Variants in HMGCS1 observed in about 807,000 individuals in gnomAD.
HMGCS1 encodes hydroxymethylglutaryl-CoA synthase, cytoplasmic.
In HMGCS1, 9 loss-of-function variants were observed where a neutral mutation model predicts 52.3. The observed-to-expected ratio is 0.17, with a 90% CI of 0.10 to 0.30. HMGCS1 has a LOEUF of 0.30. Among genes scored for constraint, HMGCS1 ranks in the 10% least tolerant of loss-of-function variants. HMGCS1 has a pLI of 1.00. For synonymous variants in HMGCS1, 176 were observed against 214.4 expected (o/e 0.82, Z 1.57); for missense variants, 320 against 620.9 (o/e 0.52, Z 5.15).
chr5:43,311,210 C>G (rs1282742425), intron 1 of HMGCS1, among the ~76,000 whole-genome samples: 1 of 151,878 alleles, frequency 6.6e-6, no homozygotes, highest in Non-Finnish European at 1.5e-5. Context: ...GCCGGTAGTC[C>G]CAGCTACTTG....
Position 43,298,363 on chromosome 5 carries a change from G to T in HMGCS1, c.448+155C>A. 1 of 674,616 alleles carries T rather than the reference G, an allele frequency of 1.5e-6. No individual in the cohort carries two copies. The highest frequency in any genetic ancestry group is 2.5e-6 in the Non-Finnish European group (1 of 405,214). 41.8% of individuals were successfully genotyped at this position (674,616 alleles called of 1,614,324 possible). The stretch of plus-strand genomic sequence containing the variant: ...AGATAAGATAACCAATTCACAATTC[G>T]GATAATGACAGACAGGTAAAATATC... On this transcript the variant is annotated intron_variant, in intron 3 of 10. Coordinates refer to ENST00000325110, the MANE Select transcript of HMGCS1 (RefSeq NM_001098272.3). The surrounding 1 kb of genome is among the most constrained non-coding windows in gnomAD (Gnocchi z 5.6).
chr5:43,308,499 C>T (rs1322415757), intron 1 of HMGCS1, among the ~76,000 whole-genome samples: 2 of 152,198 alleles, frequency 1.3e-5, no homozygotes, highest in Non-Finnish European at 2.9e-5. Flanking sequence ...GCCACCTTCA[C>T]CCTCCCAACC....
chr5:43,306,232 G>T (rs1363386632), intron 2 of HMGCS1, among the ~76,000 whole-genome samples: 1 of 152,160 alleles, frequency 6.6e-6, no homozygotes, highest in Non-Finnish European at 1.5e-5. Flanking sequence ...AATGCTTCCT[G>T]CCTAGAATAC....
At chr5:43,300,429 T>C (rs903199132) in intron 2 of HMGCS1, among the ~76,000 whole-genome samples, 2 of 152,206 alleles carry the variant, frequency 1.3e-5, no homozygotes, top group Non-Finnish European at 2.9e-5. Context: ...CCATCACTAA[T>C]TTGATACTTA....
At chr5:43,313,209 C>T (rs1360785510) in intron 1 of HMGCS1, 147 bp downstream of exon 1, 1 of 152,500 alleles carries the variant, frequency 6.6e-6, no homozygotes, top group Non-Finnish European at 1.5e-5. Flanking sequence ...CACGGTGCCC[C>T]ATCCTCCCGG....
Position 43,288,869 on chromosome 5 carries a change from A to G in HMGCS1, c.*2262T>C, listed in dbSNP as rs1753610368. 1 of 152,122 alleles carries G rather than the reference A, an allele frequency of 6.6e-6. No individual in the cohort carries two copies. The highest frequency in any genetic ancestry group is 2.4e-5 in the African/African-American group (1 of 41,434). The allele number at this position is 152,122 out of a possible 1,614,324, so 9.4% of individuals were successfully genotyped here. On this transcript the variant is annotated 3_prime_UTR_variant, in exon 11 of 11. Coordinates refer to ENST00000325110, the MANE Select transcript of HMGCS1 (RefSeq NM_001098272.3). Reference sequence around the variant, plus strand: ...CTAAGACTTGATGGTGCTCTTAGGGATCATCTAATCCAAAATTACTGCCAA... The same window carrying G: ...CTAAGACTTGATGGTGCTCTTAGGGGTCATCTAATCCAAAATTACTGCCAA...
intron 2 of HMGCS1, among the ~76,000 whole-genome samples, chr5:43,300,642 A>T (rs4866813): frequency 0.45 from 68,347 of 151,408 alleles, 16,152 homozygotes; most frequent in Middle Eastern, 0.61. Flanking sequence ...AAATTTTTTT[A>T]AAATGAGCTG....
intron 2 of HMGCS1, among the ~76,000 whole-genome samples, chr5:43,304,240 TCCAGCCTTTCCCACAAGGCTAC>T (rs1754455575): frequency 6.6e-6 from 1 of 152,234 alleles, no homozygotes; most frequent in Non-Finnish European, 1.5e-5. Context: ...TAACCACCTT[TCCAGCCTTTCCCACAAGGCTAC>T]CCTTTAGATT....
chr5:43,297,212 ATGTC>A (rs770140084), intron 4 of HMGCS1, 46 bp from the exon 5 acceptor site: 2 of 1,472,400 alleles, frequency 1.4e-6, no homozygotes, highest in Non-Finnish European at 1.9e-6. Context: ...CTGCTTCTTG[ATGTC>A]TGTATGTTAA....
intron 2 of HMGCS1, among the ~76,000 whole-genome samples, chr5:43,300,977 G>C (rs755944274): frequency 6.6e-6 from 1 of 151,812 alleles, no homozygotes; most frequent in Non-Finnish European, 1.5e-5. Flanking sequence ...CTATTTTATG[G>C]GACAATAAGA....
intron 1 of HMGCS1, among the ~76,000 whole-genome samples, chr5:43,310,392 T>C (rs559879113): frequency 1.3e-5 from 2 of 152,342 alleles, no homozygotes; most frequent in East Asian, 3.9e-4. Flanking sequence ...CATAGCCTAC[T>C]CTCTATGGAA....
intron 1 of HMGCS1, among the ~76,000 whole-genome samples, chr5:43,311,839 G>GTT (rs796994593): frequency 6.6e-6 from 1 of 152,184 alleles, no homozygotes; most frequent in Non-Finnish European, 1.5e-5. Context: ...TCCCCACAGC[G>GTT]TAAGTCAGAC....
rs547166524 is a variant in HMGCS1, at chr5:43,296,536, C to T, written c.739+466G>A. ...TGATAGCATTAACTCAAATACTGTC[C>T]TTTCAGTGCCTCAACAAATTTCCAG... On this transcript the variant is annotated intron_variant, in intron 5 of 10. Coordinates refer to ENST00000325110, the MANE Select transcript of HMGCS1 (RefSeq NM_001098272.3). Among the ~76,000 whole-genome samples the T allele has an allele frequency of 2.6e-5, 4 of 152,178 alleles. No homozygotes were observed. In the East Asian group the frequency reaches 7.7e-4, roughly 29 times the overall value.
chr5:43,292,270 C>T (rs1033066959), intron 10 of HMGCS1, among the ~76,000 whole-genome samples: 7 of 152,024 alleles, frequency 4.6e-5, no homozygotes, highest in African/African-American at 1.2e-4. Context: ...GGATTACAGG[C>T]GTGAGCCACC....
intron 1 of HMGCS1, among the ~76,000 whole-genome samples, chr5:43,309,538 G>A (rs913892891): frequency 6.6e-6 from 1 of 152,054 alleles, no homozygotes; most frequent in Non-Finnish European, 1.5e-5. Flanking sequence ...CCTTGCCTGG[G>A]CCCCTCTTTC....
chr5:43,305,132 G>C lies in HMGCS1; in HGVS notation c.-11+2634C>G, dbSNP rs897462141. The stretch of plus-strand genomic sequence containing the variant: ...CTCTCAAGTAGCTGGGATTACAGGC[G>C]GGTGCCACCACACCCAGCTGATTTT... On this transcript the variant is annotated intron_variant, in intron 2 of 10. Transcript: ENST00000325110. 6.6e-5 allele frequency among the ~76,000 whole-genome samples: 10 copies of C among 152,148 alleles called. No individual in the cohort carries two copies. The South Asian group carries it at 1.9e-3, about 28-fold the overall frequency.
At chr5:43,312,609 T>C (rs184293703) in intron 1 of HMGCS1, among the ~76,000 whole-genome samples, 176 of 152,236 alleles carry the variant, frequency 1.2e-3, no homozygotes, top group Middle Eastern at 3.4e-3. Flanking sequence ...TTACACTGTA[T>C]CACCTAAAGC....
Position 43,287,611 on chromosome 5 carries a change from C to G in HMGCS1, c.*3520G>C, listed in dbSNP as rs961527404. The G allele has an allele frequency of 6.6e-6, 1 of 152,108 alleles. No homozygotes were observed. The highest frequency in any genetic ancestry group is 6.5e-5 in the Admixed American group (1 of 15,276). 9.4% of individuals were successfully genotyped at this position (152,108 alleles called of 1,614,324 possible). On this transcript the variant is annotated 3_prime_UTR_variant, in exon 11 of 11. Transcript: ENST00000325110. Reference sequence around the variant, plus strand: ...TCTCCTCCTCTTTTGAGGAGACTTACGAAATGCATTTCAGAACTGTCTGCC... The same window carrying G: ...TCTCCTCCTCTTTTGAGGAGACTTAGGAAATGCATTTCAGAACTGTCTGCC...
In HMGCS1 at chr5:43,290,476, A is replaced by G. The variant is rs1753694585; in HGVS notation, c.*655T>C. On this transcript the variant is annotated 3_prime_UTR_variant, in exon 11 of 11. Transcript: ENST00000325110. ...TGTTTCTCTGTTCAGAGGTCATTAC[A>G]ATAACTTTTGTCACTGCTGGCCTGG... 1 of 152,212 alleles carries G rather than the reference A, an allele frequency of 6.6e-6. No homozygotes were observed. Among genetic ancestry groups the G allele is most frequent in the Non-Finnish European group, 1.5e-5 (1 of 68,062 alleles). 9.4% of individuals were successfully genotyped at this position (152,212 alleles called of 1,614,324 possible). A position where few individuals can be genotyped will look rare whatever the true frequency, so the allele number is the denominator to read the frequency against.
Sources: gnomAD v4.1 joint callset for allele counts (sites outside exome capture counted in the v4.1 genomes callset) on GRCh38, gnomAD v4.1.1 for gene constraint, Gnocchi (gnomAD v3.1) non-coding constraint, MANE v1.5 for transcripts, NCBI Gene and HGNC (gene_info 2026-07-23, HGNC 2026-07-21) for gene names.